Variants in SLC71A2 observed in about 807,000 individuals in gnomAD.
SLC71A2 encodes the protein solute carrier family 71 member 2.
the SLC71A2 span, among the ~76,000 whole-genome samples, chr9:94,378,399 C>T: frequency 3.9e-5 from 6 of 151,972 alleles, no homozygotes; most frequent in East Asian, 1.9e-4. Context: ...TGGCCGCGTG[C>T]GGTGGATCAC....
chr9:94,390,509 A>G, the SLC71A2 span, among the ~76,000 whole-genome samples: 1 of 151,528 alleles, frequency 6.6e-6, no homozygotes, highest in Non-Finnish European at 1.5e-5. Context: ...TTGAAGCTGC[A>G]TCAAGACAGT....
the SLC71A2 span, among the ~76,000 whole-genome samples, chr9:94,397,702 TGAG>T: frequency 6.6e-6 from 1 of 152,210 alleles, no homozygotes; most frequent in African/African-American, 2.4e-5. Flanking sequence ...TGGACAGTGT[TGAG>T]GAGGACTCAT....
the SLC71A2 span, among the ~76,000 whole-genome samples, chr9:94,411,689 C>T: frequency 4.6e-5 from 7 of 151,650 alleles, no homozygotes; most frequent in African/African-American, 1.7e-4. Context: ...CTCCTAGGTT[C>T]AAGCCATTCT....
At chr9:94,379,084 A>G in the SLC71A2 span, among the ~76,000 whole-genome samples, 2 of 66,848 alleles carry the variant, frequency 3.0e-5, no homozygotes, top group African/African-American at 9.7e-5. Flanking sequence ...CTTGGTGTGC[A>G]TTTCCTTTTT....
the SLC71A2 span, among the ~76,000 whole-genome samples, chr9:94,410,630 CAG>C: frequency 1.3e-5 from 2 of 152,046 alleles, no homozygotes; most frequent in African/African-American, 4.8e-5. Context: ...AAAAAATTGA[CAG>C]AAGATGAACA....
At chr9:94,399,893 C>T in the SLC71A2 span, among the ~76,000 whole-genome samples, 2 of 151,542 alleles carry the variant, frequency 1.3e-5, no homozygotes, top group African/African-American at 2.4e-5. Context: ...ACAACCTCTG[C>T]CTCCTGGGTT....
the SLC71A2 span, among the ~76,000 whole-genome samples, chr9:94,418,802 T>C: frequency 1.3e-5 from 2 of 149,954 alleles, no homozygotes; most frequent in Non-Finnish European, 3.0e-5. Context: ...CTATGTTGTC[T>C]AGGCTGGTCT....
the SLC71A2 span, among the ~76,000 whole-genome samples, chr9:94,400,507 AG>A: frequency 1.9e-5 from 2 of 105,896 alleles, no homozygotes; most frequent in African/African-American, 6.5e-5. Flanking sequence ...CCAGTCTTAA[AG>A]GAAAAAAAAA....
the SLC71A2 span, among the ~76,000 whole-genome samples, chr9:94,438,964 A>G: frequency 2.0e-5 from 3 of 151,920 alleles, no homozygotes; most frequent in Non-Finnish European, 4.4e-5. Context: ...GAGTCACTTT[A>G]AAATATACCA....
At chr9:94,408,725 C>T in the SLC71A2 span, among the ~76,000 whole-genome samples, 1 of 149,884 alleles carries the variant, frequency 6.7e-6, no homozygotes, top group Non-Finnish European at 1.5e-5. Context: ...ATTAGTAATT[C>T]AGGTCTTCTG....
the SLC71A2 span, among the ~76,000 whole-genome samples, chr9:94,458,869 T>C: frequency 1.3e-5 from 2 of 152,188 alleles, no homozygotes; most frequent in East Asian, 3.8e-4. Flanking sequence ...TGTACAAAGG[T>C]GCATGATCTG....
chr9:94,395,189 C>T, the SLC71A2 span, among the ~76,000 whole-genome samples: 934 of 150,028 alleles, frequency 6.2e-3, 8 homozygotes, highest in African/African-American at 0.021. Flanking sequence ...GCTGGGATTA[C>T]GGGGATGAAC....
At chr9:94,415,648 A>G in the SLC71A2 span, among the ~76,000 whole-genome samples, 1 of 152,082 alleles carries the variant, frequency 6.6e-6, no homozygotes, top group Non-Finnish European at 1.5e-5. Context: ...AAACTGTTCC[A>G]CCTCAGACCA....
the SLC71A2 span, among the ~76,000 whole-genome samples, chr9:94,375,414 C>A: frequency 6.6e-6 from 1 of 151,230 alleles, no homozygotes; most frequent in Non-Finnish European, 1.5e-5. Flanking sequence ...TGGGGACCAG[C>A]CGAGGAGCAA....
chr9:94,430,791 T>C, the SLC71A2 span, among the ~76,000 whole-genome samples: 1 of 152,242 alleles, frequency 6.6e-6, no homozygotes, highest in Non-Finnish European at 1.5e-5. Flanking sequence ...ATCAATCATA[T>C]TTGCTTCAGC....
chr9:94,378,324 C>A, the SLC71A2 span, among the ~76,000 whole-genome samples: 1 of 151,920 alleles, frequency 6.6e-6, no homozygotes, highest in South Asian at 2.1e-4. Flanking sequence ...CAGCTTATCA[C>A]GTGTTGGGGA....
the SLC71A2 span, among the ~76,000 whole-genome samples, chr9:94,451,804 T>C: frequency 6.6e-6 from 1 of 152,248 alleles, no homozygotes; most frequent in Non-Finnish European, 1.5e-5. Context: ...TATGTTTTTA[T>C]TTAAAACAAT....
At chr9:94,409,792 TTTCA>T in the SLC71A2 span, among the ~76,000 whole-genome samples, 3 of 151,980 alleles carry the variant, frequency 2.0e-5, no homozygotes, top group East Asian at 5.8e-4. Context: ...TGATGTCTAA[TTTCA>T]TTCTGTGTGG....
chr9:94,383,767 A>G, the SLC71A2 span, among the ~76,000 whole-genome samples: 1 of 151,934 alleles, frequency 6.6e-6, no homozygotes, highest in Non-Finnish European at 1.5e-5. Flanking sequence ...CTTCTGATGC[A>G]TGAATGTAGT....
Sources: allele counts gnomAD v4.1 joint callset (sites outside exome capture counted in the v4.1 genomes callset), GRCh38; gene constraint gnomAD v4.1.1; transcripts MANE v1.5; gene names NCBI Gene and HGNC (gene_info 2026-07-23, HGNC 2026-07-21).